The following CETN3 variants were observed in gnomAD, a reference collection of about 807,000 sequenced individuals.
The protein encoded by CETN3 is centrin-3.
CETN3 carries 17 observed loss-of-function variants against 20.1 expected under a neutral mutation model. The ratio of observed to expected loss-of-function variants is 0.85; its 90% CI spans 0.58 to 1.27. The LOEUF is 1.27. Ranked by LOEUF, CETN3 falls within the 50% of genes most tolerant of loss-of-function variation. The probability of loss-of-function intolerance (pLI) is 0.00; values close to 1 mark genes in which losing one functional copy is unlikely to be tolerated. For synonymous variants in CETN3, 52 were observed against 59.7 expected, an observed-to-expected ratio of 0.87 and a Z score of 0.59; for missense variants, 169 against 191.2, an observed-to-expected ratio of 0.88 and a Z score of 0.69.
chr5:90,396,706 G>T, intron 4 of CETN3: 1 of 552,392 alleles, frequency 1.8e-6, no homozygotes, highest in Non-Finnish European at 2.8e-6. Flanking sequence ...TTCTTGATCT[G>T]TAAAATTTCA....
Position 90,393,904 on chromosome 5 carries a change from C to T in CETN3, c.*160G>A. ...CTGAGTACTAACAACACAGTTCATA[C>T]AAAGAAACTTAACAGTAGTAAAATA... is the stretch of plus-strand genomic sequence containing the variant. On this transcript the variant is annotated 3_prime_UTR_variant, in exon 5 of 5. Coordinates refer to ENST00000283122, the MANE Select transcript of CETN3 (RefSeq NM_004365.4). 1.8e-6 allele frequency: 1 copy of T among 560,466 alleles called. No individual in the cohort carries two copies. Among genetic ancestry groups the T allele is most frequent in the Non-Finnish European group, 3.1e-6 (1 of 319,998 alleles). The allele number at this position is 560,466 out of a possible 1,614,324, so 34.7% of individuals were successfully genotyped here. A position where few individuals can be genotyped will look rare whatever the true frequency, so the allele number is the denominator to read the frequency against.
At chr5:90,396,006 CAAATCAGTGTTGAAAAA>C (rs1749128772) in intron 4 of CETN3, 1 of 887,066 alleles carries the variant, frequency 1.1e-6, no homozygotes, top group South Asian at 5.2e-5. Context: ...AAACAAAGAC[CAAATCAGTGTTGAAAAA>C]AAATCCTTCA....
intron 3 of CETN3, 99 bp downstream of exon 3, chr5:90,405,586 A>C (rs1232679676): frequency 1.1e-5 from 9 of 793,104 alleles, no homozygotes; most frequent in Non-Finnish European, 1.7e-5. Context: ...GTGTTCTATA[A>C]GAAAATTCCA....
chr5:90,405,888 A>G, intron 2 of CETN3, 89 bp from the exon 3 acceptor site: 1 of 761,704 alleles, frequency 1.3e-6, no homozygotes, highest in Non-Finnish European at 2.2e-6. Flanking sequence ...AAGAGATGAC[A>G]ACACATTAAT....
At chr5:90,409,548 T>C (rs1749567449) in intron 1 of CETN3, 97 bp downstream of exon 1, 25 of 1,446,826 alleles carry the variant, frequency 1.7e-5, no homozygotes, top group Non-Finnish European at 2.4e-5. Flanking sequence ...CTACATCCCC[T>C]GCCTCGCCTC....
Position 90,409,636 on chromosome 5 carries a change from A to T in CETN3, c.17+9T>A, listed in dbSNP as rs1749572663. 6.2e-7 allele frequency: 1 copy of T among 1,613,850 alleles called. No homozygotes were observed. The highest frequency in any genetic ancestry group is 1.7e-5 in the Admixed American group (1 of 59,990). On this transcript the variant is annotated intron_variant, in intron 1 of 4. Transcript: ENST00000283122. ...GTGTGGAGAGCACTGCCGCCTCCTT[A>T]TTACCGACCTCAGAGCTAAACTCAT...
rs375438485 is a variant in CETN3, at chr5:90,405,780, C to T, written c.173G>A (p.Gly58Glu). 6.2e-7 allele frequency: 1 copy of T among 1,609,498 alleles called. No individual in the cohort carries two copies. Among genetic ancestry groups the T allele is most frequent in the South Asian group, 1.1e-5 (1 of 89,778 alleles). ...HELKVAMRAL[G>E]FDVKKADVLK... ...TACATCAGCTTTTTTTACATCAAAC[C>T]CCAAGGCTCTCATTGCCACCTTTTG... is the stretch of plus-strand genomic sequence containing the variant. Residue 58 changes from glycine to glutamate, a missense_variant, in exon 3 of 5, where the codon GGG becomes GAG. By Grantham distance (98) the Gly-to-Glu change is moderately conservative. Transcript: ENST00000283122.
At chr5:90,404,040 T>C (rs1028827795) in intron 3 of CETN3, among the ~76,000 whole-genome samples, 1 of 152,118 alleles carries the variant, frequency 6.6e-6, no homozygotes, top group East Asian at 1.9e-4. Context: ...GTCCCAGTGA[T>C]GCATATATGA....
Position 90,394,051 on chromosome 5 carries a change from T to TAA in CETN3, c.*12_*13insTT. 6.6e-7 allele frequency: 1 copy of TAA among 1,511,762 alleles called. No individual in the cohort carries two copies. The highest frequency in any genetic ancestry group is 9.1e-7 in the Non-Finnish European group (1 of 1,096,238). The allele number at this position is 1,511,762 out of a possible 1,614,324, so 93.6% of individuals were successfully genotyped here. On this transcript the variant is annotated 3_prime_UTR_variant, in exon 5 of 5. Transcript: ENST00000283122. The stretch of plus-strand genomic sequence containing the variant: ...GTAACTGCAACATTCTTAGTGTTTA[T>TAA]CCTTGTAATTCTTTAAATGTCACCA...
intron 3 of CETN3, among the ~76,000 whole-genome samples, chr5:90,400,638 T>C (rs1034011383): frequency 6.6e-6 from 1 of 150,818 alleles, no homozygotes; most frequent in African/African-American, 2.4e-5. Flanking sequence ...ACTGGAATGT[T>C]TAAGGAACCC....
rs1302349886 is a variant in CETN3 at position 90,398,117 on chromosome 5, T to C, written c.460+1241A>G. ...TTACCACAGCTTTATGTCTATCTTG[T>C]AGTACATCTTATTTACCTTTAACTT... On this transcript the variant is annotated intron_variant, in intron 4 of 4. Coordinates refer to ENST00000283122, the MANE Select transcript of CETN3 (RefSeq NM_004365.4). 3.9e-5 allele frequency among the ~76,000 whole-genome samples: 6 copies of C among 152,224 alleles called. No individual in the cohort carries two copies. The East Asian group carries it at 1.2e-3, about 29-fold the overall frequency.
At chr5:90,397,926 C>G (rs1749174224) in intron 4 of CETN3, among the ~76,000 whole-genome samples, 1 of 152,052 alleles carries the variant, frequency 6.6e-6, no homozygotes, top group Non-Finnish European at 1.5e-5. Flanking sequence ...ATGCTAATAT[C>G]CAATATAGTA....
intron 4 of CETN3, 194 bp downstream of exon 4, chr5:90,399,164 A>C (rs140001726): frequency 3.0e-5 from 18 of 608,810 alleles, no homozygotes; most frequent in African/African-American, 2.4e-4. Context: ...AAAGTGAAGG[A>C]CCTTCTTGAA....
intron 1 of CETN3, 78 bp downstream of exon 1, chr5:90,409,557 TCGGCCCCAAA>T: frequency 6.6e-7 from 1 of 1,512,258 alleles, no homozygotes. Context: ...CTGCCTCGCC[TCGGCCCCAAA>T]CGTCCTCCCT....
chr5:90,396,053 T>G, intron 4 of CETN3: 2 of 923,488 alleles, frequency 2.2e-6, no homozygotes, highest in Non-Finnish European at 1.3e-6. Flanking sequence ...AAATTATTAC[T>G]AATAAGAAAA....
In CETN3 at chr5:90,400,351, T is replaced by C. The variant is rs1012922762; in HGVS notation, c.269-802A>G. On this transcript the variant is annotated intron_variant, in intron 3 of 4. Coordinates refer to ENST00000283122, the MANE Select transcript of CETN3 (RefSeq NM_004365.4). ...CTAAATATAATCACATGTAATAACATAGTAATAAGCTTAAGTATTTTCAAT... is the reference window on the plus strand; with the variant it reads ...CTAAATATAATCACATGTAATAACACAGTAATAAGCTTAAGTATTTTCAAT... Among the ~76,000 whole-genome samples the C allele has an allele frequency of 1.8e-4, 28 of 152,232 alleles. No homozygotes were observed. In the Middle Eastern group the frequency reaches 0.01, roughly 55 times the overall value.
intron 2 of CETN3, among the ~76,000 whole-genome samples, chr5:90,406,855 A>C (rs1006845989): frequency 9.6e-4 from 124 of 128,526 alleles, no homozygotes; most frequent in Non-Finnish European, 1.7e-3. Context: ...AAAAAAAAAA[A>C]CAAAAAAAAC....
At chr5:90,399,632 G>A in intron 3 of CETN3, 83 bp from the exon 4 acceptor site, 1 of 1,091,684 alleles carries the variant, frequency 9.2e-7, no homozygotes, top group Non-Finnish European at 1.3e-6. Context: ...AATATTAGAT[G>A]AGAATTAAAG....
At chr5:90,399,689 C>A in intron 3 of CETN3, 140 bp from the exon 4 acceptor site, 1 of 652,462 alleles carries the variant, frequency 1.5e-6, no homozygotes, top group South Asian at 2.2e-5. Flanking sequence ...CAAATGAGAT[C>A]CCCAAACCCC....
Sources: gnomAD v4.1 joint callset for allele counts (sites outside exome capture counted in the v4.1 genomes callset) on GRCh38, gnomAD v4.1.1 for gene constraint, MANE v1.5 for transcripts, NCBI Gene and HGNC (gene_info 2026-07-23, HGNC 2026-07-21) for gene names.